THRAP3: variants seen among roughly 807,000 people sequenced by gnomAD.
THRAP3 encodes the protein thyroid hormone receptor associated protein 3.
Under a neutral mutation model 101.0 loss-of-function variants are expected in THRAP3, and 16 were observed. That is an observed-to-expected ratio of 0.16 (90% CI 0.11 to 0.24). The LOEUF (loss-of-function observed/expected upper bound fraction) is 0.24. Ranked by LOEUF, THRAP3 falls within the 10% of genes least tolerant of loss-of-function variation. THRAP3 has a pLI of 1.00. For missense variants in THRAP3, 989 were observed against 1,202.7 expected (o/e 0.82, Z 2.63); for synonymous variants, 407 against 422.6 (o/e 0.96, Z 0.45).
At chr1:36,250,619 T>TA (rs1475081547) in intron 1 of THRAP3, among the ~76,000 whole-genome samples, 1 of 151,792 alleles carries the variant, frequency 6.6e-6, no homozygotes, top group Non-Finnish European at 1.5e-5. Flanking sequence ...ATTAAAAAAA[T>TA]ATACCTTAGA....
intron 2 of THRAP3, among the ~76,000 whole-genome samples, chr1:36,262,734 GT>G (rs1394769067): frequency 6.6e-6 from 1 of 151,540 alleles, no homozygotes; most frequent in Non-Finnish European, 1.5e-5. Context: ...ATTTATCAGT[GT>G]TTAGCCCAAG....
chr1:36,208,532 G>A, the THRAP3 span, among the ~76,000 whole-genome samples: 9 of 152,152 alleles, frequency 5.9e-5, no homozygotes, highest in African/African-American at 1.9e-4. Flanking sequence ...AGAAGGTGGG[G>A]GAAGGAAAGC....
upstream of THRAP3, among the ~76,000 whole-genome samples, chr1:36,221,187 A>G (rs1444254430): frequency 4.8e-4 from 58 of 121,614 alleles, no homozygotes; most frequent in Non-Finnish European, 8.5e-4. Context: ...ACCCTATCTC[A>G]AAAAAAAAAA....
chr1:36,215,366 A>G, the THRAP3 span, among the ~76,000 whole-genome samples: 1 of 152,114 alleles, frequency 6.6e-6, no homozygotes, highest in East Asian at 1.9e-4. Context: ...TCCTCCTATT[A>G]CACTCCAGAG....
intron 1 of THRAP3, among the ~76,000 whole-genome samples, chr1:36,231,276 A>C (rs908924685): frequency 6.6e-6 from 1 of 152,158 alleles, no homozygotes. Context: ...ACACTGAATT[A>C]CTTTGTTTCC....
intron 1 of THRAP3, among the ~76,000 whole-genome samples, chr1:36,258,632 C>T (rs1185213353): frequency 3.9e-5 from 6 of 152,178 alleles, no homozygotes; most frequent in South Asian, 2.1e-4. Flanking sequence ...CCTGCTGCCA[C>T]GCCTGGCTAA....
chr1:36,230,048 G>A (rs1175478163), intron 1 of THRAP3, among the ~76,000 whole-genome samples: 1 of 151,000 alleles, frequency 6.6e-6, no homozygotes, highest in Admixed American at 6.6e-5. Flanking sequence ...TCCACCTCCT[G>A]GGTTCAAGCG....
chr1:36,285,667 A>ATAC (rs1645786230), intron 3 of THRAP3, among the ~76,000 whole-genome samples: 1 of 152,206 alleles, frequency 6.6e-6, no homozygotes, highest in Admixed American at 6.5e-5. Context: ...AGTTAAGATC[A>ATAC]TGTAGCTCAG....
intron 2 of THRAP3, among the ~76,000 whole-genome samples, chr1:36,273,407 A>C (rs1645614849): frequency 6.6e-6 from 1 of 152,204 alleles, no homozygotes. Flanking sequence ...TAGTCAACAA[A>C]GTAGAAGGGA....
intron 2 of THRAP3, among the ~76,000 whole-genome samples, chr1:36,281,439 C>T (rs977894072): frequency 3.9e-5 from 6 of 152,234 alleles, no homozygotes; most frequent in Non-Finnish European, 5.9e-5. Context: ...TCTTGGTCAT[C>T]TCTTACAGTA....
At chr1:36,298,146 C>CCA (rs1214310027) in intron 9 of THRAP3, among the ~76,000 whole-genome samples, 2 of 96,002 alleles carry the variant, frequency 2.1e-5, no homozygotes, top group Admixed American at 1.2e-4. Context: ...GACTTCATCT[C>CCA]AAAAAAAAAA....
At chr1:36,214,054 GAA>G in the THRAP3 span, among the ~76,000 whole-genome samples, 4 of 117,488 alleles carry the variant, frequency 3.4e-5, no homozygotes, top group Non-Finnish European at 5.5e-5. Context: ...AAGAAAGAAA[GAA>G]AGAAAGAAAG....
In THRAP3 at chr1:36,282,747, G is replaced by A. The variant is rs746397015; in HGVS notation, c.137+47G>A. 9.3e-6 allele frequency: 15 copies of A among 1,604,494 alleles called. No homozygotes were observed. In the Admixed American group the frequency reaches 1.8e-4, roughly 20 times the overall value. The stretch of plus-strand genomic sequence containing the variant: ...TATTGAGATAATCATTGCATCAGTC[G>A]ATGTGGATGTTTGAAGATCTTTTGT... On this transcript the variant is annotated intron_variant, in intron 3 of 11. Transcript: ENST00000354618.
intron 11 of THRAP3, 42 bp from the exon 12 acceptor site, chr1:36,303,754 C>T: frequency 1.9e-6 from 3 of 1,613,160 alleles, no homozygotes; most frequent in Non-Finnish European, 2.5e-6. Flanking sequence ...CTGGCCACAT[C>T]TTGTTCACTC....
intron 7 of THRAP3, 76 bp downstream of exon 7, chr1:36,292,785 C>A: frequency 2.7e-6 from 3 of 1,131,798 alleles, no homozygotes; most frequent in Non-Finnish European, 3.9e-6. Context: ...TTGTTAAATT[C>A]TGCTGCTAAT....
intron 6 of THRAP3, 45 bp from the exon 7 acceptor site, chr1:36,292,553 A>G: frequency 6.7e-7 from 1 of 1,493,810 alleles, no homozygotes; most frequent in East Asian, 2.3e-5. Flanking sequence ...TATAGGCTTG[A>G]GCCACCATGC....
At chr1:36,218,252 C>T in the THRAP3 span, among the ~76,000 whole-genome samples, 1 of 150,768 alleles carries the variant, frequency 6.6e-6, no homozygotes, top group Non-Finnish European at 1.5e-5. Flanking sequence ...ACCTGTAGTC[C>T]CAGCTACTCG....
At chr1:36,226,803 CA>C (rs1249339914) in intron 1 of THRAP3, among the ~76,000 whole-genome samples, 6 of 152,104 alleles carry the variant, frequency 3.9e-5, no homozygotes, top group African/African-American at 1.4e-4. Context: ...TGTCATTTAC[CA>C]GCTTCTGTTG....
chr1:36,218,478 A>G, the THRAP3 span, among the ~76,000 whole-genome samples: 1 of 144,600 alleles, frequency 6.9e-6, no homozygotes, highest in Non-Finnish European at 1.5e-5. Flanking sequence ...GCACTTTGGG[A>G]GGCCGAGGTG....
Sources: gnomAD v4.1 joint callset for allele counts (sites outside exome capture counted in the v4.1 genomes callset) on GRCh38, gnomAD v4.1.1 for gene constraint, MANE v1.5 for transcripts, NCBI Gene and HGNC (gene_info 2026-07-23, HGNC 2026-07-21) for gene names.